CXADR: variants seen among roughly 807,000 people sequenced by gnomAD.
The protein encoded by CXADR is coxsackievirus and adenovirus receptor.
In CXADR, 20 loss-of-function variants were observed where a neutral mutation model predicts 40.3. The observed-to-expected ratio is 0.50, with a 90% CI of 0.35 to 0.72. The LOEUF (loss-of-function observed/expected upper bound fraction) is 0.72. CXADR is among the 30% of genes least tolerant of loss of function. The pLI is 0.01. For missense variants in CXADR, 332 were observed against 449.1 expected, an observed-to-expected ratio of 0.74 and a Z score of 2.36; for synonymous variants, 150 against 161.3, an observed-to-expected ratio of 0.93 and a Z score of 0.53.
Position 17,561,479 on chromosome 21 carries a change from A to G in CXADR, c.833+3A>G. ...AAGGAAGTTCATCACGATATCAGGT[A>G]ATTAAGTGAGACAGGAGTTGACTGA... On this transcript the variant is annotated splice_donor_region_variant and intron_variant, in intron 6 of 6. Transcript: ENST00000284878. The G allele has an allele frequency of 6.2e-7, 1 of 1,604,842 alleles. No individual in the cohort carries two copies. Among genetic ancestry groups the G allele is most frequent in the Non-Finnish European group, 8.5e-7 (1 of 1,176,412 alleles).
At chr21:17,520,423 G>C (rs1190318955) in intron 1 of CXADR, among the ~76,000 whole-genome samples, 1 of 152,118 alleles carries the variant, frequency 6.6e-6, no homozygotes, top group Non-Finnish European at 1.5e-5. Flanking sequence ...TTGTGAGTTT[G>C]CATTTTAACA....
chr21:17,633,558 A>C, the CXADR span, among the ~76,000 whole-genome samples: 13 of 152,352 alleles, frequency 8.5e-5, no homozygotes, highest in South Asian at 2.5e-3. Flanking sequence ...CCTCAAAAAA[A>C]ATTAAAAGAA....
chr21:17,632,388 G>A, the CXADR span, among the ~76,000 whole-genome samples: 1 of 152,182 alleles, frequency 6.6e-6, no homozygotes, highest in African/African-American at 2.4e-5. Context: ...AGCCTATTAA[G>A]AAAGATCAAG....
At chr21:17,552,014 T>TACA in intron 3 of CXADR, 61 bp downstream of exon 3, 1 of 1,245,928 alleles carries the variant, frequency 8.0e-7, no homozygotes, top group Non-Finnish European at 1.2e-6. Context: ...GTCATAGTAC[T>TACA]GTAGTAGCAG....
Position 17,565,798 on chromosome 21 carries a change from A to G in CXADR, c.*106A>G. 1 of 1,467,668 alleles carries G rather than the reference A, an allele frequency of 6.8e-7. No homozygotes were observed. The highest frequency in any genetic ancestry group is 1.6e-5 in the South Asian group (1 of 64,162). 90.9% of individuals were successfully genotyped at this position (1,467,668 alleles called of 1,614,324 possible). A position where few individuals can be genotyped will look rare whatever the true frequency, so the allele number is the denominator to read the frequency against. On this transcript the variant is annotated 3_prime_UTR_variant, in exon 7 of 7. Transcript: ENST00000284878. ...GTTACTAGCCTCAAAATACATCAAA[A>G]AATAAGTTAATCAGGAACTGTACGG...
intron 1 of CXADR, 92 bp from the exon 2 acceptor site, chr21:17,546,935 C>A: frequency 6.8e-7 from 1 of 1,468,106 alleles, no homozygotes; most frequent in Non-Finnish European, 9.3e-7. Context: ...GTATCCCTCG[C>A]ATCAATGTGC....
At chr21:17,584,805 CAGAG>C (rs1279990781) in intron 7 of CXADR, among the ~76,000 whole-genome samples, 2 of 152,246 alleles carry the variant, frequency 1.3e-5, no homozygotes, top group South Asian at 4.1e-4. Flanking sequence ...CGCTCCACCA[CAGAG>C]AGAGACTCCG....
chr21:17,624,837 C>T, the CXADR span, among the ~76,000 whole-genome samples: 1 of 152,072 alleles, frequency 6.6e-6, no homozygotes, highest in East Asian at 1.9e-4. Flanking sequence ...TATTGTTCCC[C>T]CGGTTAATTA....
chr21:17,525,353 G>C (rs945824406), intron 1 of CXADR, among the ~76,000 whole-genome samples: 2 of 152,118 alleles, frequency 1.3e-5, no homozygotes. Context: ...CTTTCCCATC[G>C]TTAGATGTGT....
At chr21:17,612,000 G>A in the CXADR span, 1 of 152,284 alleles carries the variant, frequency 6.6e-6, no homozygotes, top group African/African-American at 2.4e-5. Context: ...CATGAAGAGG[G>A]GAAATAATTT....
At chr21:17,521,927 A>G (rs2060535744) in intron 1 of CXADR, among the ~76,000 whole-genome samples, 1 of 152,140 alleles carries the variant, frequency 6.6e-6, no homozygotes, top group Admixed American at 6.5e-5. Flanking sequence ...CCCATCTATT[A>G]TATCTGGATT....
At position 17,567,306 on chromosome 21, in the gene CXADR, T is replaced by C. The variant is rs74219181; in HGVS notation, c.*1614T>C. 2.9e-5 allele frequency: 29 copies of C among 985,362 alleles called. No homozygotes were observed. In the East Asian group the frequency reaches 2.8e-3, roughly 96 times the overall value. The allele number at this position is 985,362 out of a possible 1,614,324, so 61.0% of individuals were successfully genotyped here. On this transcript the variant is annotated 3_prime_UTR_variant, in exon 7 of 7. Transcript: ENST00000284878. ...TTTAATGGTAAACTTAAGCTGAATG[T>C]GTAATGGATTTGTGTATAGTTTTAC...
the CXADR span, among the ~76,000 whole-genome samples, chr21:17,610,028 T>A: frequency 6.6e-6 from 1 of 152,238 alleles, no homozygotes; most frequent in African/African-American, 2.4e-5. Context: ...AGCTACAACA[T>A]GGGTGAACCT....
the CXADR span, chr21:17,612,827 C>G: frequency 1.3e-5 from 2 of 152,182 alleles, no homozygotes; most frequent in Admixed American, 1.3e-4. Context: ...TCGTCCGGCG[C>G]GTGCGGCTCC....
At chr21:17,570,509 G>T (rs2061269365), downstream of CXADR, among the ~76,000 whole-genome samples, 1 of 152,094 alleles carries the variant, frequency 6.6e-6, no homozygotes, top group Non-Finnish European at 1.5e-5. Context: ...TTCAAAGATG[G>T]GGCCTCTTGC....
At chr21:17,593,297 T>C in exon 8 of CXADR, 1 of 1,057,664 alleles carries the variant, frequency 9.5e-7, no homozygotes, top group Non-Finnish European at 1.2e-6. Context: ...GCACAGAGAT[T>C]AGAGCAGCTG....
intron 1 of CXADR, among the ~76,000 whole-genome samples, chr21:17,544,562 G>A (rs2060870334): frequency 6.6e-6 from 1 of 152,140 alleles, no homozygotes; most frequent in Non-Finnish European, 1.5e-5. Context: ...GTGTTCGAGG[G>A]TTGGCCAGAC....
the CXADR span, among the ~76,000 whole-genome samples, chr21:17,609,307 C>CT: frequency 1.3e-5 from 2 of 152,288 alleles, no homozygotes; most frequent in African/African-American, 4.8e-5. Flanking sequence ...GAACAATCTA[C>CT]TTATCTTTAT....
chr21:17,522,948 A>G (rs1301442556), intron 1 of CXADR, among the ~76,000 whole-genome samples: 1 of 152,222 alleles, frequency 6.6e-6, no homozygotes, highest in Non-Finnish European at 1.5e-5. Flanking sequence ...AGACACCAAA[A>G]TGCCCAGGCA....
Sources: gnomAD v4.1 joint callset for allele counts (sites outside exome capture counted in the v4.1 genomes callset) on GRCh38, gnomAD v4.1.1 for gene constraint, MANE v1.5 for transcripts, NCBI Gene and HGNC (gene_info 2026-07-23, HGNC 2026-07-21) for gene names.